Variants in SYN3 observed in about 807,000 individuals in gnomAD.
SYN3 encodes the protein synapsin III, also known as synapsin-3.
In SYN3, 35 loss-of-function variants were observed where a neutral mutation model predicts 65.8. The observed-to-expected ratio is 0.53, with a 90% CI of 0.41 to 0.70. The LOEUF (loss-of-function observed/expected upper bound fraction) is 0.70. Among genes scored for constraint, SYN3 ranks in the 30% least tolerant of loss-of-function variants. The pLI is 0.00. For synonymous variants in SYN3, 270 were observed against 292.9 expected (o/e 0.92, Z 0.80); for missense variants, 680 against 749.0 (o/e 0.91, Z 1.08).
intron 1 of SYN3, among the ~76,000 whole-genome samples, chr22:33,026,521 T>C (rs133968): frequency 0.84 from 128,276 of 152,142 alleles, 54,360 homozygotes; most frequent in African/African-American, 0.92. Context: ...CCCTATTACC[T>C]GAAAAATACA....
At chr22:32,686,265 AG>A (rs2060586911) in intron 6 of SYN3, among the ~76,000 whole-genome samples, 1 of 152,126 alleles carries the variant, frequency 6.6e-6, no homozygotes, top group African/African-American at 2.4e-5. Context: ...GGTGAGTGGA[AG>A]GGGATGAGGG....
chr22:32,774,870 A>G (rs4992163), intron 6 of SYN3, among the ~76,000 whole-genome samples: 107,455 of 152,088 alleles, frequency 0.71, 38,517 homozygotes, highest in African/African-American at 0.83. Context: ...CTTTTAAATG[A>G]GCAGAGTGTT....
chr22:32,781,804 A>G (rs1253917278), intron 6 of SYN3, among the ~76,000 whole-genome samples: 3 of 151,924 alleles, frequency 2.0e-5, no homozygotes, highest in Non-Finnish European at 2.9e-5. Flanking sequence ...CTGCCTTAGG[A>G]TTCTTGGGCA....
intron 6 of SYN3, among the ~76,000 whole-genome samples, chr22:32,840,006 G>T (rs190542462): frequency 3.3e-5 from 5 of 152,136 alleles, no homozygotes; most frequent in African/African-American, 1.2e-4. Flanking sequence ...CCCCTTCCCC[G>T]GGAGGTCCAG....
chr22:32,708,898 A>T (rs2060917171), intron 6 of SYN3, among the ~76,000 whole-genome samples: 1 of 152,200 alleles, frequency 6.6e-6, no homozygotes, highest in Admixed American at 6.5e-5. Flanking sequence ...GTGCGGAAGG[A>T]CTTTTGCCGC....
intron 6 of SYN3, among the ~76,000 whole-genome samples, chr22:32,606,180 C>A (rs2059369408): frequency 6.6e-6 from 1 of 152,090 alleles, no homozygotes; most frequent in East Asian, 1.9e-4. Context: ...ATGTCAAAGG[C>A]TGATCTGTTA....
At chr22:32,693,592 G>GTTTTTTTTTTTTATTTTTTTTTTTT (rs2060695673) in intron 6 of SYN3, among the ~76,000 whole-genome samples, 1 of 90,532 alleles carries the variant, frequency 1.1e-5, no homozygotes, top group African/African-American at 5.2e-5. Flanking sequence ...TCTGTAGCTT[G>GTTTTTTTTTTTTATTTTTTTTTTTT]TTTTTTTTTT....
chr22:32,642,310 G>T (rs914265226), intron 6 of SYN3, among the ~76,000 whole-genome samples: 21 of 151,702 alleles, frequency 1.4e-4, no homozygotes, highest in African/African-American at 4.6e-4. Context: ...TAATAATAAA[G>T]AAGTTTCTGG....
chr22:32,527,847 A>T, intron 12 of SYN3, 71 bp downstream of exon 12: 1 of 1,326,688 alleles, frequency 7.5e-7, no homozygotes, highest in Non-Finnish European at 1.1e-6. Flanking sequence ...TGGGAATCAC[A>T]TGTGGATCCC....
chr22:32,534,314 T>C (rs2058127063), intron 9 of SYN3, among the ~76,000 whole-genome samples: 1 of 152,114 alleles, frequency 6.6e-6, no homozygotes, highest in African/African-American at 2.4e-5. Context: ...CCTGTGTCCC[T>C]TTTCCCTTGG....
At chr22:33,048,969 C>T (rs566653533) in intron 1 of SYN3, among the ~76,000 whole-genome samples, 22 of 152,250 alleles carry the variant, frequency 1.4e-4, no homozygotes, top group Non-Finnish European at 2.6e-4. Flanking sequence ...TCTTTTTTGA[C>T]CTTCTTTTTC....
At chr22:32,977,444 T>C (rs2052234698) in intron 3 of SYN3, among the ~76,000 whole-genome samples, 1 of 152,078 alleles carries the variant, frequency 6.6e-6, no homozygotes, top group Non-Finnish European at 1.5e-5. Flanking sequence ...AAAACCCAGA[T>C]TTTTGAGGGG....
intron 6 of SYN3, among the ~76,000 whole-genome samples, chr22:32,703,653 AAG>A (rs1297823676): frequency 6.6e-6 from 1 of 151,508 alleles, no homozygotes; most frequent in Non-Finnish European, 1.5e-5. Flanking sequence ...AAAAAAAAAA[AAG>A]AGAGAGAGAG....
chr22:33,016,000 G>A (rs1186965355), intron 1 of SYN3, among the ~76,000 whole-genome samples: 1 of 151,796 alleles, frequency 6.6e-6, no homozygotes, highest in Non-Finnish European at 1.5e-5. Context: ...CCGCCACCAC[G>A]CCCAGCTAAT....
chr22:32,942,433 C>A (rs137564), intron 3 of SYN3, among the ~76,000 whole-genome samples: 121,976 of 152,250 alleles, frequency 0.8, 49,537 homozygotes, highest in East Asian at 0.96. Flanking sequence ...ATCCACAACA[C>A]AACCCCATTT....
intron 1 of SYN3, among the ~76,000 whole-genome samples, chr22:33,029,227 T>G (rs943259743): frequency 2.0e-5 from 3 of 150,730 alleles, no homozygotes; most frequent in South Asian, 2.1e-4. Flanking sequence ...CCGGCTGGAG[T>G]GCAGTGGTAC....
rs2057663923 is a variant in SYN3 at position 32,509,167 on chromosome 22, G to A, written c.*4525C>T. 6.6e-6 allele frequency among the ~76,000 whole-genome samples: 1 copy of A among 152,188 alleles called. No individual in the cohort carries two copies. The highest frequency in any genetic ancestry group is 1.5e-5 in the Non-Finnish European group (1 of 68,032). ...CGGTACCATTTTATCGCGCTGACGG[G>A]AGGAAGATCTGGAAGAACTTTTCTG... On this transcript the variant is annotated 3_prime_UTR_variant, in exon 14 of 14. Coordinates refer to ENST00000358763, the MANE Select transcript of SYN3 (RefSeq NM_003490.4).
intron 1 of SYN3, among the ~76,000 whole-genome samples, chr22:33,018,280 G>A (rs749889113): frequency 2.0e-5 from 3 of 152,248 alleles, no homozygotes; most frequent in Middle Eastern, 3.4e-3. Context: ...ACAGGATATC[G>A]CTCCAATGCC....
chr22:32,867,230 C>T (rs551194835), intron 5 of SYN3, among the ~76,000 whole-genome samples: 1 of 152,340 alleles, frequency 6.6e-6, no homozygotes, highest in East Asian at 1.9e-4. Context: ...CAAGCCTCCA[C>T]ATTACCTATC....
Sources: gnomAD v4.1 joint callset for allele counts (sites outside exome capture counted in the v4.1 genomes callset) on GRCh38, gnomAD v4.1.1 for gene constraint, MANE v1.5 for transcripts, NCBI Gene and HGNC (gene_info 2026-07-23, HGNC 2026-07-21) for gene names.